ZNF404: variants seen among roughly 807,000 people sequenced by gnomAD.
The protein encoded by ZNF404 is zinc finger protein 404.
In ZNF404, 7 loss-of-function variants were observed where a neutral mutation model predicts 7.3. The ratio of observed to expected loss-of-function variants is 0.95; its 90% CI spans 0.54 to 1.79. ZNF404 has a LOEUF of 1.79. Ranked by LOEUF, ZNF404 falls within the 40% of genes most tolerant of loss-of-function variation. The probability of loss-of-function intolerance (pLI) is 0.00; values close to 1 mark genes in which losing one functional copy is unlikely to be tolerated. For synonymous variants in ZNF404, 191 were observed against 209.9 expected, an observed-to-expected ratio of 0.91 and a Z score of 0.78; for missense variants, 560 against 661.5, an observed-to-expected ratio of 0.85 and a Z score of 1.68.
chr19:43,880,404 C>T (rs116246084), intron 1 of ZNF404, among the ~76,000 whole-genome samples: 3,441 of 152,140 alleles, frequency 0.023, 139 homozygotes, highest in African/African-American at 0.076. Flanking sequence ...ACCAAACTTT[C>T]CAAATTAAAT....
At chr19:43,876,738 C>T (rs1971852312) in intron 2 of ZNF404, among the ~76,000 whole-genome samples, 2 of 152,134 alleles carry the variant, frequency 1.3e-5, no homozygotes, top group Admixed American at 6.6e-5. Flanking sequence ...AAGGTTAATA[C>T]CTCAGCAATA....
rs77337446 is a variant in ZNF404, at chr19:43,874,072, T to C, written c.142A>G (p.Asn48Asp). The change falls in exon 3 of 3, where the codon AAT (asparagine) becomes GAT (aspartate). Residue 48 changes from asparagine (N) to aspartate (D), a missense_variant. By Grantham distance (23) the Asn-to-Asp change is conservative. Transcript: ENST00000587539. ...NYTNLVSLDFNFTTESNKLSS... is the reference protein window; with the variant it reads ...NYTNLVSLDFDFTTESNKLSS... ...AACTTGTTGCTTTCAGTTGTGAAATTAAAGTCTGGAAGAAAATGAAAAAAC... is the reference window on the plus strand; with the variant it reads ...AACTTGTTGCTTTCAGTTGTGAAATCAAAGTCTGGAAGAAAATGAAAAAAC... 19,635 of 1,555,174 alleles carry C rather than the reference T, an allele frequency of 0.013. 2,124 individuals carry two copies. The African/African-American group carries it at 0.24, about 19-fold the overall frequency.
At chr19:43,879,875 A>T in intron 2 of ZNF404, 135 bp downstream of exon 2, 1 of 1,128,244 alleles carries the variant, frequency 8.9e-7, no homozygotes, top group Non-Finnish European at 1.3e-6. Context: ...AAATATGCCC[A>T]TTTCCACCTA....
Position 43,872,754 on chromosome 19 carries a change from CT to C in ZNF404, c.1459del (p.Arg487GlufsTer34). 6.2e-7 allele frequency: 1 copy of C among 1,612,718 alleles called. No individual in the cohort carries two copies. Among genetic ancestry groups the C allele is most frequent in the Non-Finnish European group, 8.5e-7 (1 of 1,179,294 alleles). On this transcript the variant is annotated frameshift_variant, in exon 3 of 3. Transcript: ENST00000587539. LOFTEE classifies it low-confidence loss of function (END_TRUNC). The surrounding 1 kb of genome is among the most constrained non-coding windows in gnomAD (Gnocchi z 4.4). ...ATAGGGTTTTTCACCAGTATGAATT[CT>C]CTTATGTTGAGAAAGACCTGAGATA... Reference protein sequence around the residue: ...RSISGLSQHKRIHTGEKPYEC... With the variant: ...RSISGLSQHKXIHTGEKPYEC...
chr19:43,879,146 T>C (rs17449078), intron 2 of ZNF404, among the ~76,000 whole-genome samples: 10,536 of 152,132 alleles, frequency 0.069, 1,192 homozygotes, highest in African/African-American at 0.24. Flanking sequence ...GATGAAAATT[T>C]AGTAATAAAA....
rs182734646 is a variant in ZNF404 at position 43,876,858 on chromosome 19, C to T, written c.137-2781G>A. Among the ~76,000 whole-genome samples the T allele has an allele frequency of 3.8e-3, 577 of 152,258 alleles. 2 individuals are homozygous for T. The highest frequency in any genetic ancestry group is 6.8e-3 in the Middle Eastern group (2 of 294). On this transcript the variant is annotated intron_variant, in intron 2 of 2. Transcript: ENST00000587539. ...GTTTAATCATAAAAAATTCAACAAA[C>T]CCAAATTGTCCGGCACTTTTCAAAA... is the stretch of plus-strand genomic sequence containing the variant.
At chr19:43,882,414 T>C (rs1209373058) in intron 1 of ZNF404, among the ~76,000 whole-genome samples, 1 of 152,100 alleles carries the variant, frequency 6.6e-6, no homozygotes, top group Non-Finnish European at 1.5e-5. Context: ...AAACACAGTA[T>C]AAAAATCTAC....
At chr19:43,877,425 C>T (rs1427947880) in intron 2 of ZNF404, among the ~76,000 whole-genome samples, 5 of 152,052 alleles carry the variant, frequency 3.3e-5, no homozygotes, top group Non-Finnish European at 7.4e-5. Context: ...TAGCTAATTC[C>T]TAGTTCAGGG....
chr19:43,877,170 A>G (rs887629019), intron 2 of ZNF404, among the ~76,000 whole-genome samples: 2 of 152,192 alleles, frequency 1.3e-5, no homozygotes, highest in African/African-American at 4.8e-5. Flanking sequence ...AACCTGTGGT[A>G]CCACATTTGT....
At chr19:43,882,370 A>C (rs1468300871) in intron 1 of ZNF404, among the ~76,000 whole-genome samples, 1 of 152,216 alleles carries the variant, frequency 6.6e-6, no homozygotes, top group Non-Finnish European at 1.5e-5. Context: ...ATGGAGATAA[A>C]CATAAAACAT....
chr19:43,882,262 G>A (rs1046894547), intron 1 of ZNF404, among the ~76,000 whole-genome samples: 12 of 152,224 alleles, frequency 7.9e-5, no homozygotes, highest in South Asian at 2.1e-4. Context: ...ATAAAGGACC[G>A]TCTTTTAAAA....
intron 2 of ZNF404, among the ~76,000 whole-genome samples, chr19:43,875,528 T>C (rs900166411): frequency 2.6e-5 from 4 of 152,120 alleles, no homozygotes; most frequent in Non-Finnish European, 4.4e-5. Flanking sequence ...CAAATAAACC[T>C]GGGGATATTG....
chr19:43,876,937 C>T (rs1440050536), intron 2 of ZNF404, among the ~76,000 whole-genome samples: 2 of 152,050 alleles, frequency 1.3e-5, no homozygotes, highest in African/African-American at 4.8e-5. Context: ...CAAGGAAAGA[C>T]AAAGAAACTG....
intron 1 of ZNF404, 106 bp downstream of exon 1, chr19:43,883,848 CAA>C (rs1971917225): frequency 8.2e-7 from 1 of 1,223,874 alleles, no homozygotes; most frequent in Non-Finnish European, 1.2e-6. Context: ...AAATAGGTTC[CAA>C]GAGAGAGCTT....
In ZNF404 at chr19:43,873,690, A is replaced by G; in HGVS notation, c.524T>C (p.Ile175Thr). The G allele has an allele frequency of 6.2e-7, 1 of 1,613,294 alleles. No homozygotes were observed. The highest frequency in any genetic ancestry group is 1.1e-5 in the South Asian group (1 of 91,066). Reference sequence around the variant, plus strand: ...ATCAGTGTGGATTTTTCGATGTCTAATAAAATGCTGGAAAACTACAAATGC... The same window carrying G: ...ATCAGTGTGGATTTTTCGATGTCTAGTAAAATGCTGGAAAACTACAAATGC... ...GKAFVVFQHF[I>T]RHRKIHTDLK... Residue 175 changes from isoleucine (I) to threonine (T), a missense_variant, in exon 3 of 3, where the codon ATT (isoleucine) becomes ACT (threonine). Physicochemically the swap from Ile to Thr is moderately conservative, Grantham distance 89. Transcript: ENST00000587539.
At chr19:43,875,948 A>G (rs1971847804) in intron 2 of ZNF404, among the ~76,000 whole-genome samples, 1 of 151,472 alleles carries the variant, frequency 6.6e-6, no homozygotes, top group South Asian at 2.1e-4. Flanking sequence ...TAATGCACCA[A>G]GGCAAACTCA....
intron 1 of ZNF404, among the ~76,000 whole-genome samples, chr19:43,881,379 C>A (rs905585390): frequency 1.3e-5 from 2 of 152,032 alleles, no homozygotes; most frequent in African/African-American, 4.8e-5. Flanking sequence ...AGTGAGTTAG[C>A]AAGCTGAGAA....
Position 43,872,953 on chromosome 19 carries a change from T to C in ZNF404, c.1261A>G (p.Ser421Gly), listed in dbSNP as rs755617673. Residue 421 changes from serine (S) to glycine (G), a missense_variant, in exon 3 of 3, where the codon AGT (serine) becomes GGT (glycine). Physicochemically the swap from Ser to Gly is moderately conservative, Grantham distance 56 (BLOSUM62 0). Coordinates refer to ENST00000587539, the MANE Select transcript of ZNF404 (RefSeq NM_001033719.3). The surrounding 1 kb of genome is among the most constrained non-coding windows in gnomAD (Gnocchi z 4.4). ...TGTGTCTTAAGGTCTCCAACACGAC[T>C]GAAGGCTTTCCCACATTGCTTACAT... is the stretch of plus-strand genomic sequence containing the variant. ...YECKQCGKAFSRVGDLKTHQS... is the reference protein window; with the variant it reads ...YECKQCGKAFGRVGDLKTHQS... The C allele has an allele frequency of 2.5e-6, 4 of 1,606,738 alleles. No individual in the cohort carries two copies. The highest frequency in any genetic ancestry group is 3.4e-6 in the Non-Finnish European group (4 of 1,175,876).
chr19:43,877,339 G>A (rs1358901270), intron 2 of ZNF404, among the ~76,000 whole-genome samples: 1 of 152,074 alleles, frequency 6.6e-6, no homozygotes, highest in Non-Finnish European at 1.5e-5. Flanking sequence ...GTCACAATTA[G>A]TTAGCTCCCT....
Sources: gnomAD v4.1 joint callset for allele counts (sites outside exome capture counted in the v4.1 genomes callset) on GRCh38, gnomAD v4.1.1 for gene constraint, Gnocchi (gnomAD v3.1) non-coding constraint, MANE v1.5 for transcripts, NCBI Gene and HGNC (gene_info 2026-07-23, HGNC 2026-07-21) for gene names.